The following SAMD12 variants were observed in gnomAD, a reference collection of about 807,000 sequenced individuals.
SAMD12 encodes the protein sterile alpha motif domain-containing protein 12.
SAMD12 carries 9 observed loss-of-function variants against 15.0 expected under a neutral mutation model. That is an observed-to-expected ratio of 0.60 (90% CI 0.36 to 1.05). The LOEUF (loss-of-function observed/expected upper bound fraction) is 1.05. Among genes scored for constraint, SAMD12 ranks in the 50% least tolerant of loss-of-function variants. SAMD12 has a pLI of 0.01. For synonymous variants in SAMD12, 86 were observed against 90.1 expected (o/e 0.96, Z 0.25); for missense variants, 230 against 234.2 (o/e 0.98, Z 0.12).
intron 2 of SAMD12, among the ~76,000 whole-genome samples, chr8:118,574,571 T>C (rs376028832): frequency 5.3e-5 from 8 of 152,230 alleles, no homozygotes; most frequent in South Asian, 2.1e-4. Context: ...AATGAACCTA[T>C]GGCTTAAATA....
the SAMD12 span, among the ~76,000 whole-genome samples, chr8:118,144,123 C>T: frequency 1.3e-5 from 2 of 152,102 alleles, no homozygotes; most frequent in Non-Finnish European, 2.9e-5. Flanking sequence ...TCCTCCCCTT[C>T]CGTGTGTTTT....
At chr8:118,281,229 A>C (rs1403904488) in intron 4 of SAMD12, among the ~76,000 whole-genome samples, 1 of 152,240 alleles carries the variant, frequency 6.6e-6, no homozygotes, top group Non-Finnish European at 1.5e-5. Context: ...ATAGAAAATG[A>C]GAACAATCAC....
At chr8:118,527,713 T>A (rs991798836) in intron 2 of SAMD12, among the ~76,000 whole-genome samples, 28 of 152,124 alleles carry the variant, frequency 1.8e-4, no homozygotes, top group African/African-American at 6.3e-4. Flanking sequence ...TGGTAAGCAG[T>A]CTTTATTATA....
At chr8:118,604,204 G>T (rs1255368297) in intron 1 of SAMD12, among the ~76,000 whole-genome samples, 1 of 152,112 alleles carries the variant, frequency 6.6e-6, no homozygotes, top group East Asian at 1.9e-4. Flanking sequence ...TAAGTACAAT[G>T]TTGTCAGCAT....
intron 2 of SAMD12, among the ~76,000 whole-genome samples, chr8:118,521,229 C>T (rs1296862639): frequency 2.6e-5 from 4 of 152,150 alleles, no homozygotes; most frequent in Non-Finnish European, 5.9e-5. Flanking sequence ...CAGCTGTTAT[C>T]TCTACCCAGC....
At chr8:118,409,099 A>G (rs1821273839) in intron 3 of SAMD12, among the ~76,000 whole-genome samples, 1 of 152,106 alleles carries the variant, frequency 6.6e-6, no homozygotes, top group African/African-American at 2.4e-5. Context: ...GCTGTTATGA[A>G]ATGTAATATC....
At chr8:118,313,702 A>T (rs1015121663) in intron 4 of SAMD12, among the ~76,000 whole-genome samples, 2 of 152,094 alleles carry the variant, frequency 1.3e-5, no homozygotes, top group African/African-American at 4.8e-5. Flanking sequence ...GTTAGTTTAT[A>T]TACCTCTGAA....
chr8:118,384,807 C>T (rs1343353104), intron 3 of SAMD12, among the ~76,000 whole-genome samples: 2 of 152,190 alleles, frequency 1.3e-5, no homozygotes, highest in Admixed American at 6.5e-5. Context: ...TCTCCTCGAA[C>T]CCCAAAGCTC....
intron 4 of SAMD12, among the ~76,000 whole-genome samples, chr8:118,323,149 CAG>C (rs1816373236): frequency 6.6e-6 from 1 of 152,172 alleles, no homozygotes; most frequent in African/African-American, 2.4e-5. Flanking sequence ...AAATGTGGAA[CAG>C]AGTCACCCAC....
intron 4 of SAMD12, among the ~76,000 whole-genome samples, chr8:118,305,967 T>G (rs1563750013): frequency 6.6e-6 from 1 of 152,162 alleles, no homozygotes; most frequent in Non-Finnish European, 1.5e-5. Flanking sequence ...TCCTCCTGGT[T>G]CCAGCTCCTA....
intron 4 of SAMD12, among the ~76,000 whole-genome samples, chr8:118,286,929 C>T (rs1025191962): frequency 6.6e-6 from 1 of 152,220 alleles, no homozygotes; most frequent in Non-Finnish European, 1.5e-5. Flanking sequence ...AGCCTGCTCT[C>T]ATGTGCCTGA....
intron 2 of SAMD12, among the ~76,000 whole-genome samples, chr8:118,533,948 G>C (rs1278254433): frequency 6.6e-6 from 1 of 152,020 alleles, no homozygotes; most frequent in Non-Finnish European, 1.5e-5. Context: ...TTACATTTGA[G>C]GTTAACATTT....
chr8:118,428,342 G>A (rs1207617970), intron 3 of SAMD12, among the ~76,000 whole-genome samples: 1 of 151,946 alleles, frequency 6.6e-6, no homozygotes, highest in East Asian at 1.9e-4. Context: ...GGGGCCATGG[G>A]ATCTTTTGTG....
intron 4 of SAMD12, among the ~76,000 whole-genome samples, chr8:118,369,674 C>A (rs369997182): frequency 9.2e-5 from 14 of 151,940 alleles, no homozygotes; most frequent in African/African-American, 3.4e-4. Context: ...GGGATCACGC[C>A]ATTATACTCC....
chr8:118,308,631 G>A (rs943213605), intron 4 of SAMD12, among the ~76,000 whole-genome samples: 3 of 151,936 alleles, frequency 2.0e-5, no homozygotes, highest in Non-Finnish European at 4.4e-5. Context: ...TAAAGATGTC[G>A]AAAAGTCGAT....
At chr8:118,567,975 A>T (rs1237168746) in intron 2 of SAMD12, among the ~76,000 whole-genome samples, 1 of 152,214 alleles carries the variant, frequency 6.6e-6, no homozygotes, top group Non-Finnish European at 1.5e-5. Flanking sequence ...GGCTGTTAGT[A>T]TCAAAGACAT....
intron 2 of SAMD12, among the ~76,000 whole-genome samples, chr8:118,530,465 G>A (rs1461886879): frequency 2.0e-5 from 3 of 152,060 alleles, no homozygotes; most frequent in Non-Finnish European, 4.4e-5. Context: ...GTGAGAACCT[G>A]GTATTTGGTT....
chr8:118,297,949 G>C (rs539799249), intron 4 of SAMD12, among the ~76,000 whole-genome samples: 59 of 152,118 alleles, frequency 3.9e-4, no homozygotes, highest in Non-Finnish European at 4.6e-4. Flanking sequence ...AATGAATGTG[G>C]GAAAGCCTAA....
At chr8:118,580,967 C>G (rs1827282670) in intron 1 of SAMD12, 74 bp from the exon 2 acceptor site, 1 of 1,208,914 alleles carries the variant, frequency 8.3e-7, no homozygotes, top group African/African-American at 1.5e-5. Flanking sequence ...AAATATTCAT[C>G]AAGCCTAAGT....
Sources: allele counts gnomAD v4.1 joint callset (sites outside exome capture counted in the v4.1 genomes callset), GRCh38; gene constraint gnomAD v4.1.1; transcripts MANE v1.5; gene names NCBI Gene and HGNC (gene_info 2026-07-23, HGNC 2026-07-21).